The following GRK4 variants were observed in gnomAD, a reference collection of about 807,000 sequenced individuals.
The protein encoded by GRK4 is G protein-coupled receptor kinase 4.
In GRK4, 73 loss-of-function variants were observed where a neutral mutation model predicts 77.9. The ratio of observed to expected loss-of-function variants is 0.94; its 90% CI spans 0.78 to 1.14. The LOEUF is 1.14. GRK4 is among the 50% of genes most tolerant of loss of function. The pLI is 0.00. For missense variants in GRK4, 729 were observed against 700.2 expected (o/e 1.04, Z -0.46); for synonymous variants, 257 against 254.4 (o/e 1.01, Z -0.10).
At chr4:2,989,366 G>T (rs1725440331) in intron 3 of GRK4, among the ~76,000 whole-genome samples, 1 of 152,154 alleles carries the variant, frequency 6.6e-6, no homozygotes, top group Non-Finnish European at 1.5e-5. Flanking sequence ...GAAACTTGAG[G>T]CTTGAATTGT....
chr4:3,005,233 C>G (rs963583418), intron 5 of GRK4, among the ~76,000 whole-genome samples: 2 of 151,924 alleles, frequency 1.3e-5, no homozygotes, highest in African/African-American at 4.8e-5. Context: ...TGCAGACAGT[C>G]ACTCATGTCA....
At chr4:3,015,674 C>CAA (rs57839670) in intron 8 of GRK4, among the ~76,000 whole-genome samples, 28 of 91,590 alleles carry the variant, frequency 3.1e-4, no homozygotes, top group African/African-American at 4.6e-4. Flanking sequence ...GACTCCATCT[C>CAA]AAAAAAAAAA....
At chr4:3,014,849 A>G (rs1203881396) in intron 8 of GRK4, among the ~76,000 whole-genome samples, 1 of 151,482 alleles carries the variant, frequency 6.6e-6, no homozygotes, top group East Asian at 2.0e-4. Flanking sequence ...CTGGTCTTGA[A>G]CTCCTGGGCT....
intron 10 of GRK4, among the ~76,000 whole-genome samples, chr4:3,027,229 T>C (rs1737838043): frequency 1.3e-5 from 2 of 152,212 alleles, no homozygotes; most frequent in African/African-American, 2.4e-5. Flanking sequence ...TCTTTTTTTA[T>C]AGAGACAGGG....
At chr4:3,019,318 G>A (rs888605437) in intron 8 of GRK4, among the ~76,000 whole-genome samples, 5 of 152,174 alleles carry the variant, frequency 3.3e-5, no homozygotes, top group African/African-American at 4.8e-5. Context: ...GCGGTTGCCC[G>A]GGAAGTACAG....
chr4:3,040,239 G>T (rs745548789), intron 15 of GRK4, among the ~76,000 whole-genome samples: 1 of 152,056 alleles, frequency 6.6e-6, no homozygotes, highest in African/African-American at 2.4e-5. Flanking sequence ...TCAGGAGTTC[G>T]AGAGCAACCT....
chr4:2,964,364 G>C (rs1367126828), intron 1 of GRK4, among the ~76,000 whole-genome samples: 3 of 152,158 alleles, frequency 2.0e-5, no homozygotes, highest in Non-Finnish European at 4.4e-5. Flanking sequence ...AGAAGTCTGC[G>C]CTTTGCTCTT....
At chr4:3,025,385 TA>T (rs1737183926) in intron 10 of GRK4, among the ~76,000 whole-genome samples, 1 of 140,074 alleles carries the variant, frequency 7.1e-6, no homozygotes, top group African/African-American at 2.7e-5. Context: ...TTTAGCGATC[TA>T]ATTTTTTTTT....
At chr4:2,985,032 G>C (rs1365106649) in intron 2 of GRK4, among the ~76,000 whole-genome samples, 1 of 152,128 alleles carries the variant, frequency 6.6e-6, no homozygotes, top group Non-Finnish European at 1.5e-5. Context: ...CTCTCCCCAT[G>C]ACCGAGCCAA....
intron 15 of GRK4, among the ~76,000 whole-genome samples, chr4:3,039,666 C>T (rs1417420708): frequency 2.1e-5 from 3 of 143,300 alleles, no homozygotes; most frequent in Non-Finnish European, 4.5e-5. Flanking sequence ...CCATTGCGCT[C>T]CAGCCTGGGT....
chr4:3,010,002 T>C (rs1408855414), intron 7 of GRK4, among the ~76,000 whole-genome samples: 3 of 152,230 alleles, frequency 2.0e-5, no homozygotes, highest in Non-Finnish European at 4.4e-5. Context: ...GACGATTCTG[T>C]TTCCGCATTG....
rs947401772 is a variant in GRK4, at chr4:3,035,503, G to C, written c.1387G>C (p.Glu463Gln). The change falls in exon 13 of 16, where the codon GAG becomes CAG. Residue 463 changes from glutamate to glutamine, a missense_variant. Glu to Gln is a conservative substitution (Grantham distance 29, BLOSUM62 2). Transcript: ENST00000398052. ...CAGGAGGCTGGAGGCAAACATGCTG[G>C]AGCCCCCTTTCTGTCCTGATGTAAG... ...NFRRLEANMLEPPFCPDPHAV... is the reference protein window; with the variant it reads ...NFRRLEANMLQPPFCPDPHAV... 1.1e-5 allele frequency: 17 copies of C among 1,613,926 alleles called. No individual in the cohort carries two copies. Among genetic ancestry groups the C allele is most frequent in the Non-Finnish European group, 1.4e-5 (17 of 1,179,928 alleles).
intron 12 of GRK4, among the ~76,000 whole-genome samples, chr4:3,030,738 G>T (rs1406745833): frequency 1.3e-5 from 2 of 152,070 alleles, no homozygotes; most frequent in African/African-American, 4.8e-5. Context: ...AGCAGGAGGG[G>T]GTTAGAGGGG....
chr4:2,978,211 C>A (rs1272353955), intron 1 of GRK4, among the ~76,000 whole-genome samples: 1 of 152,164 alleles, frequency 6.6e-6, no homozygotes, highest in Non-Finnish European at 1.5e-5. Context: ...TTTAAAATTA[C>A]TTTATGTAGA....
intron 1 of GRK4, chr4:2,966,655 GTTACT>G (rs1553869061): frequency 6.6e-6 from 1 of 152,168 alleles, no homozygotes; most frequent in Non-Finnish European, 1.5e-5. Flanking sequence ...GACTGTGTTT[GTTACT>G]TTAAAGTATC....
intron 9 of GRK4, 38 bp from the exon 10 acceptor site, chr4:3,022,376 T>A: frequency 6.2e-7 from 1 of 1,608,498 alleles, no homozygotes; most frequent in Non-Finnish European, 8.5e-7. Context: ...CAGTGCCAAC[T>A]TCTGAATAAT....
chr4:3,001,267 G>GTA (rs369752590), intron 4 of GRK4, among the ~76,000 whole-genome samples: 3 of 68,022 alleles, frequency 4.4e-5, no homozygotes, highest in Non-Finnish European at 8.9e-5. Context: ...ATATATATGT[G>GTA]TGTATGTATG....
At chr4:3,013,447 C>T (rs929040698) in intron 7 of GRK4, among the ~76,000 whole-genome samples, 2 of 152,232 alleles carry the variant, frequency 1.3e-5, no homozygotes, top group South Asian at 2.1e-4. Flanking sequence ...AAACATTTAC[C>T]GTGATCACCT....
chr4:3,019,738 G>C lies in GRK4; in HGVS notation c.839G>C (p.Gly280Ala). 1.2e-6 allele frequency: 2 copies of C among 1,614,206 alleles called. No individual in the cohort carries two copies. Among genetic ancestry groups the C allele is most frequent in the Non-Finnish European group, 1.7e-6 (2 of 1,180,046 alleles). Residue 280 changes from glycine (G) to alanine (A), a missense_variant, in exon 9 of 16, where the codon GGC becomes GCC. By Grantham distance (60) the Gly-to-Ala change is moderately conservative. Coordinates refer to ENST00000398052, the MANE Select transcript of GRK4 (RefSeq NM_182982.3). The stretch of plus-strand genomic sequence containing the variant: ...TTGAAGTTTCACATTTACAACCTGG[G>C]CAATCCCGGCTTTGATGAGCAGAGA... Reference protein sequence around the residue: ...GDLKFHIYNLGNPGFDEQRAV... With the variant: ...GDLKFHIYNLANPGFDEQRAV...
Sources: gnomAD v4.1 joint callset for allele counts (sites outside exome capture counted in the v4.1 genomes callset) on GRCh38, gnomAD v4.1.1 for gene constraint, MANE v1.5 for transcripts, NCBI Gene and HGNC (gene_info 2026-07-23, HGNC 2026-07-21) for gene names.